Variants in PARVA observed in about 807,000 individuals in gnomAD.
PARVA encodes the protein parvin alpha.
PARVA carries 25 observed loss-of-function variants against 52.6 expected under a neutral mutation model. The ratio of observed to expected loss-of-function variants is 0.48; its 90% CI spans 0.35 to 0.66. The LOEUF (loss-of-function observed/expected upper bound fraction) is 0.66. PARVA is among the 30% of genes least tolerant of loss of function. The pLI, the probability that PARVA is intolerant of heterozygous loss-of-function variation, is 0.01. For missense variants in PARVA, 373 were observed against 450.9 expected (o/e 0.83, Z 1.56); for synonymous variants, 185 against 179.1 (o/e 1.03, Z -0.26).
At chr11:12,473,297 C>T (rs1174786702) in intron 1 of PARVA, among the ~76,000 whole-genome samples, 1 of 152,048 alleles carries the variant, frequency 6.6e-6, no homozygotes, top group Non-Finnish European at 1.5e-5. Flanking sequence ...GACGGTTGAA[C>T]GGAGGATGGA....
intron 6 of PARVA, among the ~76,000 whole-genome samples, chr11:12,508,084 C>T (rs2135071758): frequency 6.9e-6 from 1 of 144,034 alleles, no homozygotes; most frequent in East Asian, 2.0e-4. Context: ...TTTAAAAGCT[C>T]CCATATTTAT....
intron 1 of PARVA, among the ~76,000 whole-genome samples, chr11:12,390,051 C>T (rs531831845): frequency 6.6e-6 from 1 of 152,288 alleles, no homozygotes; most frequent in Admixed American, 6.5e-5. Flanking sequence ...TGCAGCCCAT[C>T]TCTTGGGGAT....
chr11:12,483,390 A>G (rs1209988263), intron 4 of PARVA, among the ~76,000 whole-genome samples: 1 of 152,196 alleles, frequency 6.6e-6, no homozygotes, highest in Non-Finnish European at 1.5e-5. Flanking sequence ...GAAGAGAGAA[A>G]TGCCAAACAC....
At position 12,504,313 on chromosome 11, in the gene PARVA, G is replaced by T. The variant is rs1357831965; in HGVS notation, c.542-1G>T. ...AATTTTTCAATCTTCTTTCATTTCA[G>T]CTGTTCATGCCAAGAGCCTGGTGGC... On this transcript the variant is annotated splice_acceptor_variant, in intron 5 of 12. Coordinates refer to ENST00000334956, the MANE Select transcript of PARVA (RefSeq NM_018222.5). LOFTEE classifies it high-confidence loss of function. The T allele has an allele frequency of 6.3e-7, 1 of 1,577,500 alleles. No individual in the cohort carries two copies. Among genetic ancestry groups the T allele is most frequent in the Non-Finnish European group, 8.7e-7 (1 of 1,147,082 alleles).
At chr11:12,511,665 C>A in intron 8 of PARVA, 132 bp downstream of exon 8, 1 of 923,442 alleles carries the variant, frequency 1.1e-6, no homozygotes, top group Non-Finnish European at 1.7e-6. Context: ...GGTGACATGG[C>A]CAATTGGGTT....
intron 1 of PARVA, among the ~76,000 whole-genome samples, chr11:12,451,893 C>T (rs542065038): frequency 1.3e-4 from 20 of 152,064 alleles, no homozygotes; most frequent in African/African-American, 4.8e-4. Flanking sequence ...ATCATAAAGC[C>T]GATGGTTATG....
chr11:12,402,334 A>C (rs1231318859), intron 1 of PARVA, among the ~76,000 whole-genome samples: 1 of 152,218 alleles, frequency 6.6e-6, no homozygotes, highest in African/African-American at 2.4e-5. Context: ...GGAGGGAACC[A>C]GGGGAATAAA....
chr11:12,478,651 T>C, intron 4 of PARVA: 1 of 158,776 alleles, frequency 6.3e-6, no homozygotes, highest in Non-Finnish European at 1.4e-5. Context: ...AGCTGTTTCA[T>C]CCCCTCTGAG....
intron 1 of PARVA, among the ~76,000 whole-genome samples, chr11:12,447,338 C>G (rs1261158155): frequency 1.3e-5 from 2 of 152,166 alleles, no homozygotes; most frequent in African/African-American, 2.4e-5. Flanking sequence ...ATACCTTGCC[C>G]TGTGTCCCTT....
At chr11:12,507,535 T>C (rs961345690) in intron 6 of PARVA, among the ~76,000 whole-genome samples, 1 of 152,144 alleles carries the variant, frequency 6.6e-6, no homozygotes. Flanking sequence ...TGGAACACAT[T>C]TGTGCGTCCT....
chr11:12,439,231 G>C (rs1307886323), intron 1 of PARVA, among the ~76,000 whole-genome samples: 3 of 152,062 alleles, frequency 2.0e-5, no homozygotes, highest in Non-Finnish European at 4.4e-5. Flanking sequence ...AGGAATATGA[G>C]GGTGAATGGG....
intron 1 of PARVA, among the ~76,000 whole-genome samples, chr11:12,459,388 GA>G (rs1487180556): frequency 6.6e-6 from 1 of 151,664 alleles, no homozygotes; most frequent in Non-Finnish European, 1.5e-5. Context: ...TTGGGTAACA[GA>G]GAGAGACCCT....
intron 5 of PARVA, among the ~76,000 whole-genome samples, chr11:12,496,884 A>G (rs1383707638): frequency 1.3e-5 from 2 of 152,206 alleles, no homozygotes; most frequent in African/African-American, 2.4e-5. Context: ...TCACTGAGCT[A>G]CTTCTTCTAA....
chr11:12,461,087 T>C (rs1283050747), intron 1 of PARVA, among the ~76,000 whole-genome samples: 1 of 152,202 alleles, frequency 6.6e-6, no homozygotes, highest in Non-Finnish European at 1.5e-5. Flanking sequence ...TACCTGGCAC[T>C]GTGCTGGGCT....
intron 1 of PARVA, among the ~76,000 whole-genome samples, chr11:12,456,751 C>T (rs570620357): frequency 1.3e-5 from 2 of 152,236 alleles, no homozygotes; most frequent in Non-Finnish European, 2.9e-5. Flanking sequence ...CCTCTTGAGG[C>T]CCTCCCTGAT....
chr11:12,377,755 C>G lies in PARVA; in HGVS notation c.108C>G (p.Thr36=). The stretch of plus-strand genomic sequence containing the variant: ...CCTTCTTGGGGAAACTCGGAGGGAC[C>G]CTGGCCCGGAGGAAGAAAGCCAAGG... The part of the protein sequence containing the change: ...DDSFLGKLGG[T]LARRKKAKEV... The change falls in exon 1 of 13, where the codon ACC becomes ACG. Residue 36 remains threonine (T), a synonymous_variant. Transcript: ENST00000334956. 6.5e-7 allele frequency: 1 copy of G among 1,534,808 alleles called. No homozygotes were observed. The highest frequency in any genetic ancestry group is 8.7e-7 in the Non-Finnish European group (1 of 1,145,964).
At chr11:12,399,141 G>A (rs74864159) in intron 1 of PARVA, among the ~76,000 whole-genome samples, 3,031 of 152,156 alleles carry the variant, frequency 0.02, 107 homozygotes, top group African/African-American at 0.069. Flanking sequence ...TCATTCTGCC[G>A]CTCAGTATAT....
chr11:12,458,811 T>TG (rs1330182882), intron 1 of PARVA, among the ~76,000 whole-genome samples: 1 of 152,208 alleles, frequency 6.6e-6, no homozygotes, highest in Non-Finnish European at 1.5e-5. Flanking sequence ...GAGAACTCCC[T>TG]GGGGGTAACC....
chr11:12,410,613 A>C (rs2134974152), intron 1 of PARVA, among the ~76,000 whole-genome samples: 1 of 152,256 alleles, frequency 6.6e-6, no homozygotes, highest in South Asian at 2.1e-4. Flanking sequence ...ACATCACTAG[A>C]AAATCTCAGC....
Sources: allele counts gnomAD v4.1 joint callset (sites outside exome capture counted in the v4.1 genomes callset), GRCh38; gene constraint gnomAD v4.1.1; transcripts MANE v1.5; gene names NCBI Gene and HGNC (gene_info 2026-07-23, HGNC 2026-07-21).